Variants in SORBS2 observed in about 807,000 individuals in gnomAD.
SORBS2 encodes sorbin and SH3 domain-containing protein 2.
A neutral mutation model predicts 97.7 loss-of-function variants in SORBS2; 46 were observed. The observed-to-expected ratio is 0.47, with a 90% CI of 0.37 to 0.60. SORBS2 has a LOEUF of 0.60. Among genes scored for constraint, SORBS2 ranks in the 20% least tolerant of loss-of-function variants. The pLI is 0.00. For missense variants in SORBS2, 1,316 were observed against 1,282.3 expected (o/e 1.03, Z -0.40); for synonymous variants, 476 against 473.4 (o/e 1.01, Z -0.07).
chr4:185,782,786 G>T (rs1165015336), intron 1 of SORBS2, among the ~76,000 whole-genome samples: 1 of 152,168 alleles, frequency 6.6e-6, no homozygotes, highest in Non-Finnish European at 1.5e-5. Flanking sequence ...GATAAGGAGA[G>T]TTTTGTGTGT....
intron 1 of SORBS2, among the ~76,000 whole-genome samples, chr4:185,866,587 T>C (rs1423897647): frequency 6.6e-6 from 1 of 152,244 alleles, no homozygotes; most frequent in Non-Finnish European, 1.5e-5. Flanking sequence ...TTCAAATCAT[T>C]AGAAAGAATT....
intron 4 of SORBS2, among the ~76,000 whole-genome samples, chr4:185,664,409 G>A (rs945904321): frequency 6.6e-6 from 1 of 152,214 alleles, no homozygotes; most frequent in Non-Finnish European, 1.5e-5. Flanking sequence ...GAACAGGTTA[G>A]TTGGTAGATT....
Position 185,754,643 on chromosome 4 carries a change from T to A in SORBS2, c.-198+20584A>T, listed in dbSNP as rs148751370. Among the ~76,000 whole-genome samples, 51 of 152,264 alleles carry A rather than the reference T, an allele frequency of 3.3e-4. 1 individual carries two copies. Among genetic ancestry groups the A allele is most frequent in the African/African-American group, 1.2e-3 (48 of 41,544 alleles). On this transcript the variant is annotated intron_variant, in intron 2 of 20. Transcript: ENST00000284776. The stretch of plus-strand genomic sequence containing the variant: ...ACTACCATAACCCACATCTTCCAAA[T>A]CCTAGTGGCTTAACAATGGAAAATG...
exon 5 of SORBS2, chr4:185,662,173 A>G (rs757565438): frequency 6.2e-7 from 1 of 1,613,804 alleles, no homozygotes; most frequent in African/African-American, 1.3e-5. Flanking sequence ...GCCGAGGGGG[A>G]AAACGGCCTC....
intron 1 of SORBS2, among the ~76,000 whole-genome samples, chr4:185,846,526 G>A (rs1488985909): frequency 1.3e-5 from 2 of 152,124 alleles, no homozygotes; most frequent in African/African-American, 4.8e-5. Context: ...CCTAAAAAAG[G>A]TGAATACTGT....
At chr4:185,636,285 T>A (rs1170745242) in intron 4 of SORBS2, among the ~76,000 whole-genome samples, 1 of 152,176 alleles carries the variant, frequency 6.6e-6, no homozygotes, top group Non-Finnish European at 1.5e-5. Flanking sequence ...AGAGAAAACA[T>A]TCCTCCTATG....
At chr4:185,662,307 A>G (rs1733476374) in intron 4 of SORBS2, 65 bp from the exon 8 acceptor site, 1 of 1,486,288 alleles carries the variant, frequency 6.7e-7, no homozygotes, top group South Asian at 1.3e-5. Flanking sequence ...TCATTCCATT[A>G]GGTGATAATA....
chr4:185,784,322 G>T (rs11725032), intron 1 of SORBS2, among the ~76,000 whole-genome samples: 25,605 of 152,092 alleles, frequency 0.17, 2,748 homozygotes, highest in Non-Finnish European at 0.24. Context: ...AGTAGAGACG[G>T]CATTTCACTA....
At chr4:185,905,230 G>A (rs2099250110) in intron 1 of SORBS2, among the ~76,000 whole-genome samples, 1 of 152,114 alleles carries the variant, frequency 6.6e-6, no homozygotes, top group Non-Finnish European at 1.5e-5. Flanking sequence ...GGGAAACACA[G>A]GGTTCATCAA....
chr4:185,788,664 A>G (rs1303070196), intron 1 of SORBS2, among the ~76,000 whole-genome samples: 1 of 152,228 alleles, frequency 6.6e-6, no homozygotes, highest in Non-Finnish European at 1.5e-5. Flanking sequence ...ATACCCTGTA[A>G]TGAATCTTAC....
At chr4:185,692,768 T>C (rs534751526) in intron 2 of SORBS2, among the ~76,000 whole-genome samples, 6 of 150,852 alleles carry the variant, frequency 4.0e-5, no homozygotes, top group South Asian at 2.1e-4. Context: ...ATGTATAGTG[T>C]AATCCTCGTT....
chr4:185,927,802 A>T (rs1214348188), intron 1 of SORBS2, among the ~76,000 whole-genome samples: 2 of 152,160 alleles, frequency 1.3e-5, no homozygotes, highest in African/African-American at 2.4e-5. Flanking sequence ...ATTAATTTTG[A>T]CAGTTTTTCT....
At chr4:185,888,764 C>G (rs183080633) in intron 1 of SORBS2, among the ~76,000 whole-genome samples, 2 of 152,222 alleles carry the variant, frequency 1.3e-5, no homozygotes, top group Non-Finnish European at 2.9e-5. Context: ...CACCCCAACC[C>G]GCATGACTGG....
intron 1 of SORBS2, among the ~76,000 whole-genome samples, chr4:185,655,733 A>G (rs2097389466): frequency 6.6e-6 from 1 of 152,232 alleles, no homozygotes; most frequent in Non-Finnish European, 1.5e-5. Flanking sequence ...AATTTTCATC[A>G]ACCATCTCTA....
chr4:185,943,657 C>G (rs1561324943), intron 1 of SORBS2, among the ~76,000 whole-genome samples: 1 of 152,054 alleles, frequency 6.6e-6, no homozygotes, highest in Admixed American at 6.6e-5. Context: ...AATTCCTGAG[C>G]CTCCAGTATA....
intron 2 of SORBS2, among the ~76,000 whole-genome samples, chr4:185,692,567 T>G (rs988570869): frequency 4.6e-5 from 7 of 152,168 alleles, no homozygotes; most frequent in Admixed American, 3.3e-4. Flanking sequence ...GGAGTTCACC[T>G]CTTTTGGAAA....
chr4:185,622,950 T>C, exon 7 of SORBS2: 1 of 1,613,248 alleles, frequency 6.2e-7, no homozygotes, highest in African/African-American at 1.3e-5. Flanking sequence ...TGGTGGCAGC[T>C]GCTGTTGGCT....
chr4:185,695,972 C>T (rs763678628), intron 2 of SORBS2, among the ~76,000 whole-genome samples: 34 of 152,168 alleles, frequency 2.2e-4, no homozygotes, highest in Non-Finnish European at 4.4e-4. Context: ...ACACCAAGTA[C>T]CTCCCAGAAC....
At chr4:185,818,809 G>A (rs1018444038) in intron 1 of SORBS2, among the ~76,000 whole-genome samples, 5 of 148,516 alleles carry the variant, frequency 3.4e-5, no homozygotes, top group African/African-American at 1.2e-4. Flanking sequence ...CTGGGTGACA[G>A]AGCGAGACTC....
Sources: gnomAD v4.1 joint callset for allele counts (sites outside exome capture counted in the v4.1 genomes callset) on GRCh38, gnomAD v4.1.1 for gene constraint, MANE v1.5 for transcripts, NCBI Gene and HGNC (gene_info 2026-07-23, HGNC 2026-07-21) for gene names.